The following FCHSD2 variants were observed in gnomAD, a reference collection of about 807,000 sequenced individuals.
The protein encoded by FCHSD2 is F-BAR and double SH3 domains protein 2.
A neutral mutation model predicts 108.1 loss-of-function variants in FCHSD2; 38 were observed. The ratio of observed to expected loss-of-function variants is 0.35; its 90% CI spans 0.27 to 0.46. FCHSD2 has a LOEUF of 0.46. Among genes scored for constraint, FCHSD2 ranks in the 20% least tolerant of loss-of-function variants. The probability of loss-of-function intolerance (pLI) is 1.00; values close to 1 mark genes in which losing one functional copy is unlikely to be tolerated. For missense variants in FCHSD2, 751 were observed against 897.8 expected (o/e 0.84, Z 2.09); for synonymous variants, 279 against 314.7 (o/e 0.89, Z 1.20).
At chr11:73,079,699 T>C (rs995885700) in intron 3 of FCHSD2, among the ~76,000 whole-genome samples, 5 of 152,132 alleles carry the variant, frequency 3.3e-5, no homozygotes, top group African/African-American at 1.2e-4. Context: ...GATAGAAATA[T>C]CTTTGTCTAT....
intron 3 of FCHSD2, among the ~76,000 whole-genome samples, chr11:73,081,927 G>A (rs1333748886): frequency 6.6e-6 from 1 of 152,126 alleles, no homozygotes; most frequent in Non-Finnish European, 1.5e-5. Context: ...TCAAGATCGG[G>A]CGCGGTGACT....
intron 3 of FCHSD2, among the ~76,000 whole-genome samples, chr11:73,032,469 TC>T (rs929347339): frequency 6.6e-6 from 1 of 152,114 alleles, no homozygotes; most frequent in African/African-American, 2.4e-5. Context: ...TAAGTGATTC[TC>T]CCGACTTGGC....
chr11:73,047,279 T>C (rs1290077139), intron 3 of FCHSD2, among the ~76,000 whole-genome samples: 1 of 151,900 alleles, frequency 6.6e-6, no homozygotes, highest in East Asian at 1.9e-4. Flanking sequence ...TGAAACAGGA[T>C]GTCAAAATAT....
intron 8 of FCHSD2, among the ~76,000 whole-genome samples, chr11:72,949,642 T>C (rs1018481877): frequency 6.6e-6 from 1 of 152,204 alleles, no homozygotes; most frequent in Admixed American, 6.5e-5. Flanking sequence ...CGCTTTTGTG[T>C]CTGGCTTCTT....
intron 14 of FCHSD2, among the ~76,000 whole-genome samples, chr11:72,844,858 A>G (rs928104452): frequency 1.3e-5 from 2 of 152,218 alleles, no homozygotes; most frequent in Non-Finnish European, 2.9e-5. Context: ...ATCAAAATCC[A>G]GATTCTGGAT....
intron 8 of FCHSD2, among the ~76,000 whole-genome samples, chr11:72,952,072 T>C (rs1282287879): frequency 1.8e-4 from 27 of 152,190 alleles, no homozygotes; most frequent in Admixed American, 1.8e-3. Flanking sequence ...TCTGCATATG[T>C]CTTACCAAAT....
chr11:72,854,551 C>T (rs1435900690), intron 13 of FCHSD2, among the ~76,000 whole-genome samples: 7 of 152,176 alleles, frequency 4.6e-5, no homozygotes, highest in Non-Finnish European at 1.0e-4. Context: ...CCTACTTCAG[C>T]CCCCCGAGTA....
chr11:72,894,669 A>G (rs981328245), intron 10 of FCHSD2, among the ~76,000 whole-genome samples: 1 of 152,178 alleles, frequency 6.6e-6, no homozygotes, highest in Non-Finnish European at 1.5e-5. Context: ...TTCCAACTAC[A>G]CGTTTGTACA....
At chr11:73,027,944 T>C (rs1858266581) in intron 3 of FCHSD2, among the ~76,000 whole-genome samples, 1 of 152,268 alleles carries the variant, frequency 6.6e-6, no homozygotes, top group Non-Finnish European at 1.5e-5. Context: ...AGATAAGAAC[T>C]GATGTTTGGA....
At position 73,121,457 on chromosome 11, in the gene FCHSD2, A is replaced by T. The variant is rs1163750789; in HGVS notation, c.119+18574T>A. Among the ~76,000 whole-genome samples, 6 of 152,190 alleles carry T rather than the reference A, an allele frequency of 3.9e-5. No individual in the cohort carries two copies. In the East Asian group the frequency reaches 1.2e-3, roughly 29 times the overall value. ...ATATATAACTTTAAAAGAATAAAAA[A>T]TTAAAAGTTGTGATCTTAGACAAAT... On this transcript the variant is annotated intron_variant, in intron 2 of 19. Coordinates refer to ENST00000409418, the MANE Select transcript of FCHSD2 (RefSeq NM_014824.3).
intron 12 of FCHSD2, among the ~76,000 whole-genome samples, chr11:72,868,601 G>C (rs1032291618): frequency 5.3e-5 from 8 of 152,218 alleles, no homozygotes; most frequent in African/African-American, 1.9e-4. Flanking sequence ...TAAGGTGGGA[G>C]GATCACTTGA....
chr11:73,142,121 C>T lies in FCHSD2; in HGVS notation c.-244G>A. ...CTTGGGGCCCGGGCGGCCCGGGCGG[C>T]CCGGGGGTGTGTGAGGAAGGAGGCG... On this transcript the variant is annotated 5_prime_UTR_variant, in exon 1 of 20. Coordinates refer to ENST00000409418, the MANE Select transcript of FCHSD2 (RefSeq NM_014824.3). 1 of 382,992 alleles carries T rather than the reference C, an allele frequency of 2.6e-6. No homozygotes were observed. The highest frequency in any genetic ancestry group is 4.7e-6 in the Non-Finnish European group (1 of 212,968). The allele number at this position is 382,992 out of a possible 1,614,324, so 23.7% of individuals were successfully genotyped here.
intron 2 of FCHSD2, among the ~76,000 whole-genome samples, chr11:73,093,314 C>T (rs1399986100): frequency 6.6e-6 from 1 of 152,158 alleles, no homozygotes; most frequent in Non-Finnish European, 1.5e-5. Context: ...ACTGAGTAAA[C>T]TTTCAGTGAG....
chr11:72,999,621 T>C (rs1857585811), intron 5 of FCHSD2, among the ~76,000 whole-genome samples: 1 of 151,984 alleles, frequency 6.6e-6, no homozygotes, highest in Admixed American at 6.6e-5. Context: ...CACCCGGCCT[T>C]ATCAAACATT....
chr11:72,865,159 A>T (rs1854694245), intron 13 of FCHSD2, among the ~76,000 whole-genome samples: 1 of 152,232 alleles, frequency 6.6e-6, no homozygotes, highest in African/African-American at 2.4e-5. Context: ...CAGATGACGA[A>T]TGCTTTTGTT....
intron 3 of FCHSD2, among the ~76,000 whole-genome samples, chr11:73,038,903 A>G (rs2135460487): frequency 6.6e-6 from 1 of 152,348 alleles, no homozygotes; most frequent in South Asian, 2.1e-4. Context: ...ATAAATTATG[A>G]CATGCCTCCC....
intron 3 of FCHSD2, among the ~76,000 whole-genome samples, chr11:73,062,835 G>A (rs1358399044): frequency 6.6e-6 from 1 of 152,198 alleles, no homozygotes; most frequent in Non-Finnish European, 1.5e-5. Context: ...AAGGGACAAG[G>A]AGAATGGAAC....
chr11:72,989,349 C>A (rs1314955158), intron 5 of FCHSD2, among the ~76,000 whole-genome samples: 1 of 152,158 alleles, frequency 6.6e-6, no homozygotes, highest in East Asian at 1.9e-4. Context: ...CCGAGTGCTG[C>A]TGATGACTGA....
chr11:73,090,738 G>A (rs1408932512), intron 2 of FCHSD2, among the ~76,000 whole-genome samples: 2 of 152,146 alleles, frequency 1.3e-5, no homozygotes. Context: ...TGTAAACTAT[G>A]TGCATATATA....
Sources: gnomAD v4.1 joint callset for allele counts (sites outside exome capture counted in the v4.1 genomes callset) on GRCh38, gnomAD v4.1.1 for gene constraint, MANE v1.5 for transcripts, NCBI Gene and HGNC (gene_info 2026-07-23, HGNC 2026-07-21) for gene names.